The following AKAP12 variants were observed in gnomAD, a reference collection of about 807,000 sequenced individuals.
AKAP12 encodes the protein A-kinase anchor protein 12.
AKAP12 carries 32 observed loss-of-function variants against 79.9 expected under a neutral mutation model. That is an observed-to-expected ratio of 0.40 (90% CI 0.30 to 0.54). The LOEUF (loss-of-function observed/expected upper bound fraction) is 0.54. AKAP12 is among the 20% of genes least tolerant of loss of function. The probability of loss-of-function intolerance (pLI) is 0.48; values close to 1 mark genes in which losing one functional copy is unlikely to be tolerated. For synonymous variants in AKAP12, 808 were observed against 857.0 expected (o/e 0.94, Z 1.00); for missense variants, 2,074 against 2,177.0 (o/e 0.95, Z 0.94).
intron 2 of AKAP12, among the ~76,000 whole-genome samples, chr6:151,246,881 C>T (rs893795823): frequency 1.3e-5 from 2 of 152,162 alleles, no homozygotes. Flanking sequence ...CCTACTTCAG[C>T]CTCCTGAGTA....
intron 3 of AKAP12, among the ~76,000 whole-genome samples, chr6:151,318,613 G>A (rs954478867): frequency 2.0e-5 from 3 of 152,078 alleles, no homozygotes; most frequent in African/African-American, 7.2e-5. Context: ...TTCAATGTGC[G>A]GGGTTCTTTG....
chr6:151,349,344 A>T lies in AKAP12; in HGVS notation c.953A>T (p.Glu318Val). The change falls in exon 4 of 5, where the codon GAG (glutamate) becomes GTG (valine). Residue 318 changes from glutamate (E) to valine (V), a missense_variant. By Grantham distance (121) the Glu-to-Val change is moderately radical. This residue lies in a region of AKAP12 where 1,428 missense variants were observed against 1,451.0 expected (regional missense o/e 0.98). Transcript: ENST00000402676. ...AAGACCAGTTTCAGGAAGCCGAAGGAGGATGAAGTGGAAGCTTCAGAGAAG... is the reference window on the plus strand; with the variant it reads ...AAGACCAGTTTCAGGAAGCCGAAGGTGGATGAAGTGGAAGCTTCAGAGAAG... ...RKKTSFRKPK[E>V]DEVEASEKKK... The T allele has an allele frequency of 6.2e-7, 1 of 1,614,076 alleles. No individual in the cohort carries two copies. The highest frequency in any genetic ancestry group is 8.5e-7 in the Non-Finnish European group (1 of 1,180,018).
chr6:151,301,789 C>T (rs1445708767), intron 2 of AKAP12, among the ~76,000 whole-genome samples: 1 of 152,116 alleles, frequency 6.6e-6, no homozygotes, highest in East Asian at 1.9e-4. Context: ...AACTCAGGTT[C>T]AGTAACGTCA....
chr6:151,260,716 G>A (rs964538352), intron 2 of AKAP12, among the ~76,000 whole-genome samples: 1 of 152,156 alleles, frequency 6.6e-6, no homozygotes, highest in Non-Finnish European at 1.5e-5. Flanking sequence ...CTTTATTTTG[G>A]GTGCAGTGAC....
chr6:151,313,317 T>C (rs1003296007), intron 3 of AKAP12, among the ~76,000 whole-genome samples: 2 of 152,236 alleles, frequency 1.3e-5, no homozygotes, highest in Non-Finnish European at 2.9e-5. Flanking sequence ...GCACACACTT[T>C]GGTATTTCAA....
intron 2 of AKAP12, among the ~76,000 whole-genome samples, chr6:151,278,945 G>A (rs1196764140): frequency 6.6e-6 from 1 of 152,224 alleles, no homozygotes; most frequent in Non-Finnish European, 1.5e-5. Flanking sequence ...GGGATTACAG[G>A]CATGAGCCAC....
chr6:151,348,752 G>T lies in AKAP12; in HGVS notation c.361G>T (p.Asp121Tyr). Reference protein sequence around the residue: ...DSEDVSKRDSDKEMATKSAVV... With the variant: ...DSEDVSKRDSYKEMATKSAVV... ...TGAAGATGTGAGCAAAAGAGACTCCGATAAAGAGATGGCTACTAAGTCAGC... is the reference window on the plus strand; with the variant it reads ...TGAAGATGTGAGCAAAAGAGACTCCTATAAAGAGATGGCTACTAAGTCAGC... The change falls in exon 4 of 5, where the codon GAT becomes TAT. Residue 121 changes from aspartate to tyrosine, a missense_variant. Transcript: ENST00000402676. The T allele has an allele frequency of 7.1e-7, 1 of 1,415,292 alleles. No individual in the cohort carries two copies. Among genetic ancestry groups the T allele is most frequent in the South Asian group, 1.1e-5 (1 of 88,672 alleles). The allele number at this position is 1,415,292 out of a possible 1,614,324, so 87.7% of individuals were successfully genotyped here.
intron 2 of AKAP12, among the ~76,000 whole-genome samples, chr6:151,276,037 A>T (rs1273625206): frequency 6.6e-5 from 10 of 152,208 alleles, no homozygotes; most frequent in Non-Finnish European, 1.5e-4. Flanking sequence ...GTCACCACTA[A>T]GCATTTGTTT....
At position 151,248,486 on chromosome 6, in the gene AKAP12, T is replaced by C. The variant is rs1797117197; in HGVS notation, c.162+7762T>C. 2.6e-5 allele frequency among the ~76,000 whole-genome samples: 4 copies of C among 151,946 alleles called. No individual in the cohort carries two copies. In the South Asian group the frequency reaches 8.3e-4, roughly 32 times the overall value. On this transcript the variant is annotated intron_variant, in intron 2 of 4. Transcript: ENST00000402676. ...CTTAAGGGAGGGGAAGGAGTAGGCG[T>C]AAGAGCTGAATAAGGGCCAGGGAGA...
At chr6:151,345,895 A>ATG (rs367643775) in intron 3 of AKAP12, among the ~76,000 whole-genome samples, 1,528 of 128,816 alleles carry the variant, frequency 0.012, 19 homozygotes, top group East Asian at 0.049. Context: ...GTGTGTGTAT[A>ATG]TGTGTGTGTG....
intron 3 of AKAP12, among the ~76,000 whole-genome samples, chr6:151,311,038 G>T (rs559876658): frequency 6.6e-6 from 1 of 152,130 alleles, no homozygotes; most frequent in Non-Finnish European, 1.5e-5. Context: ...TGCAATCATG[G>T]TTCGACGTAG....
At chr6:151,313,517 T>C (rs73619242) in intron 3 of AKAP12, among the ~76,000 whole-genome samples, 5,726 of 152,328 alleles carry the variant, frequency 0.038, 132 homozygotes, top group African/African-American at 0.062. Context: ...GCACTGAAAT[T>C]ACTTATGTCA....
At chr6:151,258,000 A>G (rs753387635) in intron 2 of AKAP12, among the ~76,000 whole-genome samples, 4 of 152,222 alleles carry the variant, frequency 2.6e-5, no homozygotes, top group Non-Finnish European at 5.9e-5. Flanking sequence ...AACTGTTTGT[A>G]GAACTAATTT....
intron 2 of AKAP12, among the ~76,000 whole-genome samples, chr6:151,265,214 CTTT>C (rs11308850): frequency 8.4e-5 from 12 of 142,390 alleles, no homozygotes; most frequent in East Asian, 4.0e-4. Context: ...AATCAAGCCT[CTTT>C]TTTTTTTTTT....
At chr6:151,261,534 G>A (rs1431546962) in intron 2 of AKAP12, among the ~76,000 whole-genome samples, 1 of 151,392 alleles carries the variant, frequency 6.6e-6, no homozygotes, top group Non-Finnish European at 1.5e-5. Context: ...TACAAACCCC[G>A]TCTTTAAAAT....
At position 151,350,282 on chromosome 6, in the gene AKAP12, A is replaced by G. The variant is rs1395202982; in HGVS notation, c.1891A>G (p.Lys631Glu). The change falls in exon 4 of 5, where the codon AAA (lysine) becomes GAA (glutamate). Residue 631 changes from lysine (K) to glutamate (E), a missense_variant. Around this residue, in one of 3 missense-constraint regions of AKAP12, gnomAD observed 1,428 missense variants for 1,451.0 expected, o/e 0.98. Coordinates refer to ENST00000402676, the MANE Select transcript of AKAP12 (RefSeq NM_005100.4). This position sits in a 1 kb window ranked among gnomAD's most constrained non-coding sequence, Gnocchi z 4.8. ...TGTTAGACGGCCTTCGGAAAGTGAT[A>G]AAGAAGATGAGCTGGACAAGGTCAA... The part of the protein sequence containing the change: ...KRVRRPSESD[K>E]EDELDKVKSA... The G allele has an allele frequency of 9.9e-6, 16 of 1,613,954 alleles. No individual in the cohort carries two copies. Among genetic ancestry groups the G allele is most frequent in the Non-Finnish European group, 1.4e-5 (16 of 1,180,030 alleles).
intron 3 of AKAP12, among the ~76,000 whole-genome samples, chr6:151,316,568 C>G (rs542765843): frequency 6.6e-6 from 1 of 152,194 alleles, no homozygotes; most frequent in South Asian, 2.1e-4. Context: ...CTCACTGTAT[C>G]GTCACATGGT....
intron 2 of AKAP12, among the ~76,000 whole-genome samples, chr6:151,279,337 ATTCT>A (rs1325390055): frequency 1.3e-5 from 2 of 152,136 alleles, no homozygotes; most frequent in African/African-American, 4.8e-5. Flanking sequence ...GGCAAGTAAC[ATTCT>A]TTCAGGATTT....
intron 3 of AKAP12, among the ~76,000 whole-genome samples, chr6:151,341,155 G>A (rs1388899928): frequency 6.6e-6 from 1 of 150,890 alleles, no homozygotes. Context: ...TGGTTCAACC[G>A]ATTCTCCTGC....
Sources: allele counts gnomAD v4.1 joint callset (sites outside exome capture counted in the v4.1 genomes callset), GRCh38; gene constraint gnomAD v4.1.1; regional missense constraint gnomAD v4.1.1; non-coding constraint Gnocchi (gnomAD v3.1); transcripts MANE v1.5; gene names NCBI Gene and HGNC (gene_info 2026-07-23, HGNC 2026-07-21).